INPP5D: variants seen among roughly 807,000 people sequenced by gnomAD.
The protein encoded by INPP5D is inositol polyphosphate-5-phosphatase D.
INPP5D carries 33 observed loss-of-function variants against 122.9 expected under a neutral mutation model. That is an observed-to-expected ratio of 0.27 (90% CI 0.20 to 0.36). The LOEUF (loss-of-function observed/expected upper bound fraction) is 0.36, where lower values mean the gene tolerates loss of function less well. INPP5D is among the 10% of genes least tolerant of loss of function. INPP5D has a pLI of 1.00. For missense variants in INPP5D, 1,053 were observed against 1,412.7 expected (o/e 0.75, Z 4.08); for synonymous variants, 584 against 576.2 (o/e 1.01, Z -0.19).
Position 233,193,840 on chromosome 2 carries a change from G to C in INPP5D, c.2475G>C (p.Glu825Asp), listed in dbSNP as rs1227994610. The C allele has an allele frequency of 1.2e-6, 2 of 1,613,764 alleles. No homozygotes were observed. The highest frequency in any genetic ancestry group is 2.2e-5 in the South Asian group (2 of 91,056). ...YGEGCIALRL[E>D]ATETQLPIYT... Reference sequence around the variant, plus strand: ...AGGGCTGCATTGCCCTTCGGTTAGAGGCCACAGAAACGCAGCTGCCCATCT... The same window carrying C: ...AGGGCTGCATTGCCCTTCGGTTAGACGCCACAGAAACGCAGCTGCCCATCT... The change falls in exon 23 of 27, where the codon GAG becomes GAC. Residue 825 changes from glutamate to aspartate, a missense_variant. By Grantham distance (45) the Glu-to-Asp change is conservative. Coordinates refer to ENST00000445964, the MANE Select transcript of INPP5D (RefSeq NM_001017915.3).
chr2:233,197,610 C>T lies in INPP5D; in HGVS notation c.2694-485C>T, dbSNP rs73111464. ...CCTTTGCATGTACTCTTGCCACTGC[C>T]GAGAACAGTCTCCCCTTCTTTCTCT... On this transcript the variant is annotated intron_variant, in intron 24 of 26. Coordinates refer to ENST00000445964, the MANE Select transcript of INPP5D (RefSeq NM_001017915.3). The surrounding 1 kb of genome is among the most constrained non-coding windows in gnomAD (Gnocchi z 4.4). Among the ~76,000 whole-genome samples, 273 of 152,290 alleles carry T rather than the reference C, an allele frequency of 1.8e-3. No homozygotes were observed. Among genetic ancestry groups the T allele is most frequent in the African/African-American group, 6.3e-3 (262 of 41,556 alleles).
intron 5 of INPP5D, among the ~76,000 whole-genome samples, chr2:233,137,891 T>C (rs1440818511): frequency 3.9e-4 from 22 of 56,936 alleles, no homozygotes; most frequent in African/African-American, 1.2e-3. Context: ...TATATATATA[T>C]ATATATACAC....
At position 233,189,950 on chromosome 2, in the gene INPP5D, G is replaced by A; in HGVS notation, c.2446+13G>A. 6.2e-7 allele frequency: 1 copy of A among 1,612,298 alleles called. No homozygotes were observed. Among genetic ancestry groups the A allele is most frequent in the East Asian group, 2.2e-5 (1 of 44,788 alleles). On this transcript the variant is annotated intron_variant, in intron 22 of 26. Transcript: ENST00000445964. This position sits in a 1 kb window ranked among gnomAD's most constrained non-coding sequence, Gnocchi z 5.6. ...GACGAATCCTATGGTAAGGGTCTGT[G>A]GGCAGGTGCCACACCTGCCTGTGAA...
intron 9 of INPP5D, among the ~76,000 whole-genome samples, chr2:233,150,741 G>A (rs752363970): frequency 6.6e-6 from 1 of 152,206 alleles, no homozygotes; most frequent in Non-Finnish European, 1.5e-5. Context: ...AGAAGGGAAC[G>A]CTGGCACATG....
intron 17 of INPP5D, among the ~76,000 whole-genome samples, chr2:233,172,332 G>A (rs1694510311): frequency 6.6e-6 from 1 of 152,212 alleles, no homozygotes; most frequent in South Asian, 2.1e-4. Context: ...GGGGGCCACT[G>A]CAAGCTCTGC....
chr2:233,170,096 A>G lies in INPP5D; in HGVS notation c.1723A>G (p.Ile575Val). Residue 575 changes from isoleucine to valine, a missense_variant, in exon 15 of 27, where the codon ATC becomes GTC. Ile to Val is a conservative substitution (Grantham distance 29). This residue lies in a region of INPP5D where 258 missense variants were observed against 439.1 expected (regional missense o/e 0.59). Transcript: ENST00000445964. The surrounding 1 kb of genome is among the most constrained non-coding windows in gnomAD (Gnocchi z 4.5). ...CGACAAGAAGCTGAGTCCCTTTAAC[A>G]TCACTCACCGCTTCACGCACCTCTT... ...LGDKKLSPFNITHRFTHLFWF... is the reference protein window; with the variant it reads ...LGDKKLSPFNVTHRFTHLFWF... 1 of 1,613,936 alleles carries G rather than the reference A, an allele frequency of 6.2e-7. No homozygotes were observed.
At chr2:233,117,283 C>T (rs1027382736) in intron 2 of INPP5D, among the ~76,000 whole-genome samples, 1 of 152,168 alleles carries the variant, frequency 6.6e-6, no homozygotes, top group East Asian at 1.9e-4. Context: ...CCGATTCGAA[C>T]CTGGACGCTT....
intron 5 of INPP5D, among the ~76,000 whole-genome samples, chr2:233,138,751 A>G (rs1693563297): frequency 6.6e-6 from 1 of 151,104 alleles, no homozygotes; most frequent in Admixed American, 6.6e-5. Flanking sequence ...TTTTATTTTT[A>G]TTTTTATTTT....
At chr2:233,113,960 GAGTGC>G (rs1219229343) in intron 2 of INPP5D, among the ~76,000 whole-genome samples, 1,649 of 146,888 alleles carry the variant, frequency 0.011, 28 homozygotes, top group African/African-American at 0.041. Context: ...AGGCTGGATG[GAGTGC>G]AGTGGCGCCA....
intron 2 of INPP5D, among the ~76,000 whole-genome samples, chr2:233,114,007 T>C (rs1315504844): frequency 1.3e-5 from 2 of 149,484 alleles, no homozygotes; most frequent in Non-Finnish European, 3.0e-5. Flanking sequence ...GCCTCCCGGG[T>C]TCACGCCATT....
At chr2:233,095,528 C>G (rs1359549407) in intron 2 of INPP5D, among the ~76,000 whole-genome samples, 2 of 149,788 alleles carry the variant, frequency 1.3e-5, no homozygotes, top group Admixed American at 6.8e-5. Context: ...GAGGCTGAGG[C>G]AGGAGAATCG....
At chr2:233,114,191 A>G (rs577128523) in intron 2 of INPP5D, among the ~76,000 whole-genome samples, 1 of 152,160 alleles carries the variant, frequency 6.6e-6, no homozygotes, top group Non-Finnish European at 1.5e-5. Context: ...TACAGGTGTG[A>G]GCCACCGCAC....
chr2:233,068,502 G>A (rs558726524), intron 1 of INPP5D, among the ~76,000 whole-genome samples: 2 of 152,222 alleles, frequency 1.3e-5, no homozygotes, highest in African/African-American at 4.8e-5. Flanking sequence ...GGCTGAGGCA[G>A]GAGAATTGCT....
chr2:233,101,433 T>G (rs912755573), intron 2 of INPP5D, among the ~76,000 whole-genome samples: 1 of 151,946 alleles, frequency 6.6e-6, no homozygotes, highest in Non-Finnish European at 1.5e-5. Context: ...CTGTCACACC[T>G]GTTAGGAGTC....
At chr2:233,121,981 C>A in intron 2 of INPP5D, 126 bp from the exon 3 acceptor site, 1 of 1,088,244 alleles carries the variant, frequency 9.2e-7, no homozygotes, top group Non-Finnish European at 1.3e-6. Context: ...TGCGTAGGAG[C>A]CCAAGGCTTT....
rs1276214024 is a variant in INPP5D at position 233,078,300 on chromosome 2, AC to A, written c.135-1033del. Among the ~76,000 whole-genome samples the A allele has an allele frequency of 2.0e-5, 3 of 152,192 alleles. No individual in the cohort carries two copies. Among genetic ancestry groups the A allele is most frequent in the African/African-American group, 7.2e-5 (3 of 41,438 alleles). On this transcript the variant is annotated intron_variant, in intron 1 of 26. Coordinates refer to ENST00000445964, the MANE Select transcript of INPP5D (RefSeq NM_001017915.3). This position sits in a 1 kb window ranked among gnomAD's most constrained non-coding sequence, Gnocchi z 4.6. Reference sequence around the variant, plus strand: ...CACAGGTTTTAGGAAAGTGAAAAGTACCTTCTCCTCCTCACATTAGAGATGA... The same window carrying A: ...CACAGGTTTTAGGAAAGTGAAAAGTACTTCTCCTCCTCACATTAGAGATGA...
chr2:233,079,730 GGA>G (rs536438229), intron 2 of INPP5D, among the ~76,000 whole-genome samples: 87 of 152,284 alleles, frequency 5.7e-4, no homozygotes, highest in African/African-American at 2.1e-3. Context: ...GTCTCTCAAA[GGA>G]GAGAGAGGAA....
At chr2:233,134,311 G>A (rs573413653) in intron 5 of INPP5D, among the ~76,000 whole-genome samples, 2 of 151,982 alleles carry the variant, frequency 1.3e-5, no homozygotes, top group African/African-American at 4.8e-5. Flanking sequence ...TGCATATGGG[G>A]AATCACTGAA....
At chr2:233,064,944 C>T (rs1691171490) in intron 1 of INPP5D, among the ~76,000 whole-genome samples, 1 of 152,192 alleles carries the variant, frequency 6.6e-6, no homozygotes, top group East Asian at 1.9e-4. Flanking sequence ...TATTGACAGT[C>T]AGTGGGAAAA....
Sources: allele counts gnomAD v4.1 joint callset (sites outside exome capture counted in the v4.1 genomes callset), GRCh38; gene constraint gnomAD v4.1.1; regional missense constraint gnomAD v4.1.1; non-coding constraint Gnocchi (gnomAD v3.1); transcripts MANE v1.5; gene names NCBI Gene and HGNC (gene_info 2026-07-23, HGNC 2026-07-21).